The following DCC variants were observed in gnomAD, a reference collection of about 807,000 sequenced individuals.
DCC encodes the protein DCC netrin 1 receptor.
In DCC, 58 loss-of-function variants were observed where a neutral mutation model predicts 172.5. That is an observed-to-expected ratio of 0.34 (90% CI 0.27 to 0.42). The LOEUF is 0.42. DCC is among the 10% of genes least tolerant of loss of function. The probability of loss-of-function intolerance (pLI) is 1.00; values close to 1 mark genes in which losing one functional copy is unlikely to be tolerated. For missense variants in DCC, 1,740 were observed against 1,791.0 expected, an observed-to-expected ratio of 0.97 and a Z score of 0.51; for synonymous variants, 709 against 644.5, an observed-to-expected ratio of 1.10 and a Z score of -1.52.
At chr18:52,552,645 T>A (rs929736610) in intron 1 of DCC, among the ~76,000 whole-genome samples, 20 of 152,120 alleles carry the variant, frequency 1.3e-4, no homozygotes, top group Middle Eastern at 3.4e-3. Flanking sequence ...TGTCTACAAA[T>A]TTTTCCACGT....
At chr18:52,786,398 G>C (rs2037661187) in intron 2 of DCC, among the ~76,000 whole-genome samples, 1 of 151,546 alleles carries the variant, frequency 6.6e-6, no homozygotes, top group African/African-American at 2.4e-5. Context: ...GTGAGACAAG[G>C]ATTTAATGAC....
At chr18:52,918,310 G>T (rs2040070736) in intron 3 of DCC, among the ~76,000 whole-genome samples, 1 of 152,052 alleles carries the variant, frequency 6.6e-6, no homozygotes, top group Non-Finnish European at 1.5e-5. Context: ...GAACACAAAT[G>T]ATTTTTAATC....
intron 5 of DCC, among the ~76,000 whole-genome samples, chr18:53,056,871 T>G (rs2144057398): frequency 6.6e-6 from 1 of 152,188 alleles, no homozygotes; most frequent in Non-Finnish European, 1.5e-5. Context: ...CTGCCTATTG[T>G]TAATTTAAAC....
At chr18:53,041,873 T>C (rs1289190552) in intron 5 of DCC, among the ~76,000 whole-genome samples, 2 of 152,104 alleles carry the variant, frequency 1.3e-5, no homozygotes, top group African/African-American at 2.4e-5. Context: ...CCTGAGACTT[T>C]CCCGAAGTTG....
chr18:52,406,108 T>C (rs1986640642), intron 1 of DCC, among the ~76,000 whole-genome samples: 1 of 146,358 alleles, frequency 6.8e-6, no homozygotes, highest in African/African-American at 2.5e-5. Flanking sequence ...CTGGGAAAAC[T>C]GGCTAGCCAT....
intron 7 of DCC, among the ~76,000 whole-genome samples, chr18:53,135,343 C>T (rs952009776): frequency 6.6e-6 from 1 of 152,032 alleles, no homozygotes; most frequent in Non-Finnish European, 1.5e-5. Context: ...AATCAGGATT[C>T]ATCACACAAA....
At chr18:53,458,438 T>C (rs2145164243) in intron 23 of DCC, among the ~76,000 whole-genome samples, 1 of 152,310 alleles carries the variant, frequency 6.6e-6, no homozygotes, top group East Asian at 1.9e-4. Flanking sequence ...CAAACTGTAG[T>C]TTACTGACCC....
intron 5 of DCC, among the ~76,000 whole-genome samples, chr18:52,935,409 G>T (rs1221074570): frequency 2.0e-5 from 3 of 151,914 alleles, no homozygotes; most frequent in Non-Finnish European, 2.9e-5. Flanking sequence ...TGATGAAATT[G>T]TATTCTTTTT....
intron 5 of DCC, among the ~76,000 whole-genome samples, chr18:52,933,689 C>T (rs1417314551): frequency 3.3e-5 from 5 of 151,932 alleles, no homozygotes; most frequent in South Asian, 2.1e-4. Flanking sequence ...TAATTTTAGC[C>T]AGCTATGTAA....
intron 7 of DCC, among the ~76,000 whole-genome samples, chr18:53,151,915 A>C (rs2054647204): frequency 6.6e-6 from 1 of 152,098 alleles, no homozygotes; most frequent in Admixed American, 6.6e-5. Context: ...ATGAACTGTA[A>C]AAACTTAACT....
chr18:53,291,009 A>C (rs1376866055), intron 12 of DCC, among the ~76,000 whole-genome samples: 1 of 152,006 alleles, frequency 6.6e-6, no homozygotes, highest in African/African-American at 2.4e-5. Flanking sequence ...CTCTACTAAA[A>C]ATACAAAAAT....
intron 27 of DCC, among the ~76,000 whole-genome samples, chr18:53,506,673 C>T (rs1295002349): frequency 6.6e-6 from 1 of 151,768 alleles, no homozygotes; most frequent in Admixed American, 6.6e-5. Flanking sequence ...GCCTGGGCAA[C>T]ACAGTGAAAC....
At chr18:52,489,233 C>T (rs541617443) in intron 1 of DCC, among the ~76,000 whole-genome samples, 5 of 151,956 alleles carry the variant, frequency 3.3e-5, no homozygotes, top group Non-Finnish European at 7.4e-5. Flanking sequence ...GGAAGCTCTC[C>T]GTAGTCAACT....
chr18:52,605,086 T>C (rs1461241641), intron 1 of DCC, among the ~76,000 whole-genome samples: 3 of 152,106 alleles, frequency 2.0e-5, no homozygotes, highest in African/African-American at 7.2e-5. Flanking sequence ...GGTCACTGAC[T>C]TGTCAGGTAA....
At chr18:52,449,241 C>T (rs1015220910) in intron 1 of DCC, among the ~76,000 whole-genome samples, 2 of 152,216 alleles carry the variant, frequency 1.3e-5, no homozygotes, top group African/African-American at 2.4e-5. Context: ...CTGTGTCCCT[C>T]CCACAACATG....
At chr18:53,413,845 T>C (rs1418172838) in intron 20 of DCC, among the ~76,000 whole-genome samples, 1 of 152,180 alleles carries the variant, frequency 6.6e-6, no homozygotes, top group Non-Finnish European at 1.5e-5. Context: ...TGGGCACTTA[T>C]GACCTTGACA....
At chr18:52,767,329 C>T (rs1296896396) in intron 2 of DCC, among the ~76,000 whole-genome samples, 1 of 152,054 alleles carries the variant, frequency 6.6e-6, no homozygotes, top group Non-Finnish European at 1.5e-5. Flanking sequence ...TTTGTCATGG[C>T]TTTGAAGAAC....
rs371501221 is a variant in DCC, at chr18:52,922,947, C to T, written c.698-760C>T. Among the ~76,000 whole-genome samples, 23 of 152,218 alleles carry T rather than the reference C, an allele frequency of 1.5e-4. No individual in the cohort carries two copies. In the South Asian group the frequency reaches 3.9e-3, roughly 26 times the overall value. The stretch of plus-strand genomic sequence containing the variant: ...ATTTAAGGATTGAATCAAAAGACTT[C>T]CTAAGTCGCATAAAGACTGTTTCAG... On this transcript the variant is annotated intron_variant, in intron 3 of 28. Transcript: ENST00000442544.
intron 9 of DCC, among the ~76,000 whole-genome samples, chr18:53,196,041 A>G (rs1338666074): frequency 1.3e-5 from 2 of 152,212 alleles, no homozygotes; most frequent in African/African-American, 4.8e-5. Flanking sequence ...AAACATTTCA[A>G]TCACAATGGG....
Sources: gnomAD v4.1 joint callset for allele counts (sites outside exome capture counted in the v4.1 genomes callset) on GRCh38, gnomAD v4.1.1 for gene constraint, MANE v1.5 for transcripts, NCBI Gene and HGNC (gene_info 2026-07-23, HGNC 2026-07-21) for gene names.